PCCA: variants seen among roughly 807,000 people sequenced by gnomAD.
The protein encoded by PCCA is propionyl-CoA carboxylase subunit alpha.
A neutral mutation model predicts 101.3 loss-of-function variants in PCCA; 74 were observed. The observed-to-expected ratio is 0.73, with a 90% CI of 0.61 to 0.89. The LOEUF (loss-of-function observed/expected upper bound fraction) is 0.89, where lower values mean the gene tolerates loss of function less well. Among genes scored for constraint, PCCA ranks in the 40% least tolerant of loss-of-function variants. PCCA has a pLI of 0.00. For missense variants in PCCA, 891 were observed against 907.0 expected (o/e 0.98, Z 0.23); for synonymous variants, 294 against 313.6 (o/e 0.94, Z 0.66).
At chr13:100,219,311 T>C (rs1009743932) in intron 7 of PCCA, among the ~76,000 whole-genome samples, 12 of 152,166 alleles carry the variant, frequency 7.9e-5, no homozygotes, top group African/African-American at 2.9e-4. Context: ...TTGGACTTGA[T>C]TTATTCCCAA....
chr13:100,320,402 C>G (rs1288004401), intron 16 of PCCA, among the ~76,000 whole-genome samples: 3 of 152,142 alleles, frequency 2.0e-5, no homozygotes, highest in Non-Finnish European at 4.4e-5. Flanking sequence ...TGTCTTGTGC[C>G]AGTTTTCAAA....
At chr13:100,422,085 T>TC (rs926433634) in intron 19 of PCCA, among the ~76,000 whole-genome samples, 2 of 137,176 alleles carry the variant, frequency 1.5e-5, no homozygotes, top group Non-Finnish European at 3.0e-5. Flanking sequence ...TTTCTTTCTT[T>TC]CTTTCTTTCT....
intron 21 of PCCA, chr13:100,490,992 T>C: frequency 6.6e-6 from 1 of 152,386 alleles, no homozygotes; most frequent in Non-Finnish European, 1.5e-5. Flanking sequence ...GCTCCACCCT[T>C]GAATTCCTGA....
intron 6 of PCCA, among the ~76,000 whole-genome samples, chr13:100,158,077 T>G (rs2054057242): frequency 6.6e-6 from 1 of 152,188 alleles, no homozygotes; most frequent in Non-Finnish European, 1.5e-5. Context: ...TGGTAGAGTC[T>G]CCCACACACT....
At chr13:100,108,258 AG>A (rs563046501) in intron 2 of PCCA, among the ~76,000 whole-genome samples, 10 of 152,244 alleles carry the variant, frequency 6.6e-5, no homozygotes, top group Non-Finnish European at 1.5e-4. Context: ...TGACATTATT[AG>A]TACAGTTATA....
At chr13:100,237,922 TC>T in intron 8 of PCCA, among the ~76,000 whole-genome samples, 1 of 138,266 alleles carries the variant, frequency 7.2e-6, no homozygotes, top group African/African-American at 2.7e-5. Flanking sequence ...TCTTCCACTT[TC>T]TTTCTTTCTT....
intron 18 of PCCA, among the ~76,000 whole-genome samples, chr13:100,347,170 A>G (rs967750196): frequency 1.3e-5 from 2 of 152,172 alleles, no homozygotes; most frequent in African/African-American, 4.8e-5. Flanking sequence ...CCACCACGCC[A>G]GCCTAAACTA....
At chr13:100,456,866 C>G (rs1325376673) in intron 21 of PCCA, among the ~76,000 whole-genome samples, 1 of 152,056 alleles carries the variant, frequency 6.6e-6, no homozygotes, top group African/African-American at 2.4e-5. Context: ...CAGATGACTG[C>G]GGGCAGACTG....
At chr13:100,528,546 T>C (rs2088060267) in intron 23 of PCCA, among the ~76,000 whole-genome samples, 1 of 152,202 alleles carries the variant, frequency 6.6e-6, no homozygotes, top group African/African-American at 2.4e-5. Flanking sequence ...TGTCTCATGC[T>C]CTGTCACTGC....
intron 19 of PCCA, among the ~76,000 whole-genome samples, chr13:100,405,894 G>A (rs1245803084): frequency 6.6e-6 from 1 of 151,146 alleles, no homozygotes; most frequent in Non-Finnish European, 1.5e-5. Context: ...AGCCTCCCGA[G>A]TAGCTGGAAT....
intron 4 of PCCA, among the ~76,000 whole-genome samples, chr13:100,145,571 T>G (rs1282795644): frequency 6.6e-6 from 1 of 152,064 alleles, no homozygotes; most frequent in African/African-American, 2.4e-5. Context: ...ATAAGAATGT[T>G]TAGGTATAAC....
intron 19 of PCCA, among the ~76,000 whole-genome samples, chr13:100,419,433 C>G (rs2078599356): frequency 6.7e-6 from 1 of 150,150 alleles, no homozygotes; most frequent in Admixed American, 6.7e-5. Flanking sequence ...GATTGTACCA[C>G]TGTACTCTAG....
Position 100,268,688 on chromosome 13 carries a change from G to A in PCCA, c.820-1G>A, listed in dbSNP as rs2063103516. On this transcript the variant is annotated splice_acceptor_variant, in intron 10 of 23. Coordinates refer to ENST00000376285, the MANE Select transcript of PCCA (RefSeq NM_000282.4). LOFTEE classifies it high-confidence loss of function. ...TTTTTCAAATGGTATTGCTCTTTCA[G>A]GTTCTAGGTGATAAACATGGGAATG... The A allele has an allele frequency of 6.2e-7, 1 of 1,609,076 alleles. No homozygotes were observed. Among genetic ancestry groups the A allele is most frequent in the Non-Finnish European group, 8.5e-7 (1 of 1,175,384 alleles).
intron 21 of PCCA, among the ~76,000 whole-genome samples, chr13:100,451,798 C>T (rs1244436697): frequency 7.6e-6 from 1 of 130,934 alleles, no homozygotes; most frequent in African/African-American, 2.9e-5. Flanking sequence ...TTCCTCTCCT[C>T]TCTGTCCTCT....
At chr13:100,229,923 A>T (rs368388292) in intron 7 of PCCA, among the ~76,000 whole-genome samples, 1 of 152,006 alleles carries the variant, frequency 6.6e-6, no homozygotes, top group East Asian at 1.9e-4. Flanking sequence ...CCTGCCCTGA[A>T]CCCCTGCCTT....
intron 6 of PCCA, among the ~76,000 whole-genome samples, chr13:100,187,978 A>G (rs1277052532): frequency 1.3e-5 from 2 of 151,104 alleles, no homozygotes; most frequent in Non-Finnish European, 2.9e-5. Flanking sequence ...CTTAGCTCCT[A>G]CTTATGGGTG....
intron 19 of PCCA, among the ~76,000 whole-genome samples, chr13:100,386,955 C>A (rs1341049184): frequency 6.6e-6 from 1 of 152,036 alleles, no homozygotes; most frequent in African/African-American, 2.4e-5. Context: ...CAAAATTGTG[C>A]AGTGGAAGGG....
chr13:100,527,883 G>C (rs1037610779), intron 23 of PCCA, 131 bp downstream of exon 23: 8 of 750,554 alleles, frequency 1.1e-5, no homozygotes, highest in African/African-American at 1.7e-5. Context: ...AGAGGAGGAC[G>C]TTAGGATTGG....
intron 7 of PCCA, among the ~76,000 whole-genome samples, chr13:100,217,603 G>A (rs567810903): frequency 1.7e-3 from 260 of 150,416 alleles, no homozygotes; most frequent in African/African-American, 6.2e-3. Context: ...GTGATATTCA[G>A]TTGTATGAAT....
Sources: gnomAD v4.1 joint callset for allele counts (sites outside exome capture counted in the v4.1 genomes callset) on GRCh38, gnomAD v4.1.1 for gene constraint, MANE v1.5 for transcripts, NCBI Gene and HGNC (gene_info 2026-07-23, HGNC 2026-07-21) for gene names.